Variants in KNG1 observed in about 807,000 individuals in gnomAD.
KNG1 encodes kininogen-1.
Under a neutral mutation model 47.8 loss-of-function variants are expected in KNG1, and 23 were observed. The observed-to-expected ratio is 0.48, with a 90% confidence interval of 0.35 to 0.68. The LOEUF (loss-of-function observed/expected upper bound fraction) is 0.68. Ranked by LOEUF, KNG1 falls within the 30% of genes least tolerant of loss-of-function variation. KNG1 has a pLI of 0.01. For synonymous variants in KNG1, 277 were observed against 277.0 expected, an observed-to-expected ratio of 1.00 and a Z score of 0.00; for missense variants, 762 against 790.2, an observed-to-expected ratio of 0.96 and a Z score of 0.43.
chr3:186,729,895 C>T (rs896486316), intron 5 of KNG1, among the ~76,000 whole-genome samples: 3 of 152,186 alleles, frequency 2.0e-5, no homozygotes, highest in African/African-American at 7.2e-5. Flanking sequence ...TGGTCTCGAA[C>T]TCCCAACCTC....
rs1027456235 is a variant in KNG1, at chr3:186,742,923, T to A, written c.*592T>A. On this transcript the variant is annotated 3_prime_UTR_variant, in exon 10 of 10. Transcript: ENST00000644859. The stretch of plus-strand genomic sequence containing the variant: ...AAAAAAAGAAATAATAAGAAAAACT[T>A]CCAGATTTCAAAGTAACAAGAAAGA... The A allele has an allele frequency of 1.4e-5, 14 of 982,338 alleles. 1 individual carries two copies. In the East Asian group the frequency reaches 1.1e-3, roughly 80 times the overall value. The allele number at this position is 982,338 out of a possible 1,614,324, so 60.9% of individuals were successfully genotyped here.
chr3:186,728,432 G>A, intron 5 of KNG1: 1 of 152,046 alleles, frequency 6.6e-6, no homozygotes, highest in East Asian at 1.9e-4. Context: ...GTAAATTACA[G>A]TATATCCATA....
Position 186,724,949 on chromosome 3 carries a change from G to A in KNG1, c.392-139G>A, listed in dbSNP as rs535961536. The A allele has an allele frequency of 7.6e-5, 59 of 773,832 alleles. 1 individual carries two copies. In the African/African-American group the frequency reaches 8.8e-4, roughly 12 times the overall value. The allele number at this position is 773,832 out of a possible 1,614,324, so 47.9% of individuals were successfully genotyped here. A position where few individuals can be genotyped will look rare whatever the true frequency, so the allele number is the denominator to read the frequency against. ...TGGTCTCGAACTCCTGACCTCAGGC[G>A]ATCTGCCCGCCTCAGCCTCCCAAAG... is the stretch of plus-strand genomic sequence containing the variant. On this transcript the variant is annotated intron_variant, in intron 3 of 9. Coordinates refer to ENST00000644859, the MANE Select transcript of KNG1 (RefSeq NM_001102416.3).
Position 186,742,374 on chromosome 3 carries a change from T to A in KNG1, c.*43T>A, listed in dbSNP as rs1720840211. 3.1e-6 allele frequency: 5 copies of A among 1,608,806 alleles called. No individual in the cohort carries two copies. Among genetic ancestry groups the A allele is most frequent in the Non-Finnish European group, 4.2e-6 (5 of 1,179,828 alleles). ...ATTTCTTTCATACTTTATTAAAGTA[T>A]CAATATCCCTCTCTCCATTGTCCAG... On this transcript the variant is annotated 3_prime_UTR_variant, in exon 10 of 10. Transcript: ENST00000644859.
intron 7 of KNG1, among the ~76,000 whole-genome samples, chr3:186,737,505 G>A (rs1484617482): frequency 6.6e-6 from 1 of 151,882 alleles, no homozygotes; most frequent in Admixed American, 6.6e-5. Context: ...CTCATCCTGG[G>A]TTTTGGTGAA....
intron 4 of KNG1, among the ~76,000 whole-genome samples, chr3:186,726,854 C>T (rs1054357409): frequency 1.3e-5 from 2 of 152,182 alleles, no homozygotes; most frequent in South Asian, 2.1e-4. Flanking sequence ...TTTCTTTATC[C>T]GTCTAGAAGG....
rs1720740424 is a variant in KNG1 at position 186,739,168 on chromosome 3, G to A, written c.1000G>A (p.Glu334Lys). The change falls in exon 8 of 10, where the codon GAA becomes AAA. Residue 334 changes from glutamate to lysine, a missense_variant. By Grantham distance (56) the Glu-to-Lys change is moderately conservative. Coordinates refer to ENST00000644859, the MANE Select transcript of KNG1 (RefSeq NM_001102416.3). Reference protein sequence around the residue: ...RETTCSKESNEELTESCETKK... With the variant: ...RETTCSKESNKELTESCETKK... ...AACCACATGTTCCAAGGAAAGTAATGAAGAGTTGACCGAAAGCTGTGAGAC... is the reference window on the plus strand; with the variant it reads ...AACCACATGTTCCAAGGAAAGTAATAAAGAGTTGACCGAAAGCTGTGAGAC... 1 of 1,614,074 alleles carries A rather than the reference G, an allele frequency of 6.2e-7. No homozygotes were observed. Among genetic ancestry groups the A allele is most frequent in the African/African-American group, 1.3e-5 (1 of 74,928 alleles).
At chr3:186,719,728 C>CAAA (rs398063105) in intron 1 of KNG1, among the ~76,000 whole-genome samples, 25,539 of 118,448 alleles carry the variant, frequency 0.22, 2,456 homozygotes, top group South Asian at 0.31. Context: ...GACTCCATCT[C>CAAA]AAAAAAAAAA....
intron 5 of KNG1, among the ~76,000 whole-genome samples, chr3:186,729,714 C>CA (rs1720461296): frequency 2.7e-5 from 4 of 150,158 alleles, no homozygotes; most frequent in Non-Finnish European, 4.4e-5. Context: ...GTCTTGTTGC[C>CA]CAGGCTGGAG....
intron 7 of KNG1, among the ~76,000 whole-genome samples, chr3:186,733,371 A>AT (rs1720589978): frequency 6.6e-6 from 1 of 152,150 alleles, no homozygotes; most frequent in Non-Finnish European, 1.5e-5. Flanking sequence ...ACATCACATA[A>AT]TGTCTTGGGC....
intron 6 of KNG1, 76 bp from the exon 7 acceptor site, chr3:186,732,426 G>T: frequency 2.9e-6 from 4 of 1,393,764 alleles, no homozygotes. Context: ...TGTGGATGCT[G>T]GTTCTTGTGC....
intron 3 of KNG1, among the ~76,000 whole-genome samples, chr3:186,723,261 T>C (rs1028322057): frequency 3.9e-5 from 6 of 152,228 alleles, no homozygotes; most frequent in Non-Finnish European, 8.8e-5. Flanking sequence ...TTTCTATGAA[T>C]TGGTAATATT....
Position 186,720,453 on chromosome 3 carries a change from T to G in KNG1, c.306+238T>G, listed in dbSNP as rs920410593. On this transcript the variant is annotated intron_variant, in intron 2 of 9. Coordinates refer to ENST00000644859, the MANE Select transcript of KNG1 (RefSeq NM_001102416.3). ...TTTCCATGAGAAGGGGGCTCTAGTG[T>G]CCAGCCAGAACATGTGGCTCAGACT... 245 of 513,268 alleles carry G rather than the reference T, an allele frequency of 4.8e-4. 1 individual carries two copies. The highest frequency in any genetic ancestry group is 3.1e-3 in the African/African-American group (160 of 51,420). The allele number at this position is 513,268 out of a possible 1,614,324, so 31.8% of individuals were successfully genotyped here. A position where few individuals can be genotyped will look rare whatever the true frequency, so the allele number is the denominator to read the frequency against.
chr3:186,728,549 T>C (rs1720432671), intron 5 of KNG1: 1 of 152,174 alleles, frequency 6.6e-6, no homozygotes, highest in African/African-American at 2.4e-5. Flanking sequence ...AAACTATACA[T>C]ACGGATTTAT....
At position 186,743,012 on chromosome 3, in the gene KNG1, G is replaced by T. The variant is rs1672004317; in HGVS notation, c.*681G>T. The T allele has an allele frequency of 1.1e-6, 1 of 927,058 alleles. No homozygotes were observed. The highest frequency in any genetic ancestry group is 1.8e-5 in the African/African-American group (1 of 56,088). The allele number at this position is 927,058 out of a possible 1,614,324, so 57.4% of individuals were successfully genotyped here. The stretch of plus-strand genomic sequence containing the variant: ...TTAATTGACTTTCTATTCCCAAAAT[G>T]GGCTAGTTATATCAAATAAATACTC... On this transcript the variant is annotated 3_prime_UTR_variant, in exon 10 of 10. Transcript: ENST00000644859.
intron 7 of KNG1, 144 bp downstream of exon 7, chr3:186,732,818 C>A: frequency 1.4e-6 from 1 of 728,522 alleles, no homozygotes; most frequent in South Asian, 1.5e-5. Flanking sequence ...AAATTAAGTG[C>A]CAATCTCCCT....
In KNG1 at chr3:186,741,500, C is replaced by T. The variant is rs762429819; in HGVS notation, c.1126-22C>T. 5.4e-5 allele frequency: 87 copies of T among 1,599,596 alleles called. No individual in the cohort carries two copies. The Middle Eastern group carries it at 8.4e-4, about 15-fold the overall frequency. ...AGCATGATTTTTGCAGTAATACATT[C>T]ATCTTAATATTTTCTGTTTAGATCT... On this transcript the variant is annotated intron_variant, in intron 9 of 9. Transcript: ENST00000644859.
In KNG1 at chr3:186,743,955, T is replaced by C. The variant is rs995511219; in HGVS notation, c.*1624T>C. 7.5e-6 allele frequency: 5 copies of C among 668,700 alleles called. No individual in the cohort carries two copies. Among genetic ancestry groups the C allele is most frequent in the Non-Finnish European group, 1.4e-5 (5 of 365,850 alleles). The allele number at this position is 668,700 out of a possible 1,614,324, so 41.4% of individuals were successfully genotyped here. On this transcript the variant is annotated 3_prime_UTR_variant, in exon 10 of 10. Coordinates refer to ENST00000644859, the MANE Select transcript of KNG1 (RefSeq NM_001102416.3). ...ATCAGTCTTGATGTTCTAACTCTAA[T>C]TCACAGTGGTCTCCTTTCAGCCCTA...
In KNG1 at chr3:186,743,604, C is replaced by T; in HGVS notation, c.*1273C>T. The T allele has an allele frequency of 1.2e-6, 1 of 819,516 alleles. No homozygotes were observed. The highest frequency in any genetic ancestry group is 1.4e-5 in the South Asian group (1 of 69,352). The allele number at this position is 819,516 out of a possible 1,614,324, so 50.8% of individuals were successfully genotyped here. ...GTCTGTTCTTTTAAATAAACAACCA[C>T]AGATGTCAGGAAAAAGTCTTACCTT... On this transcript the variant is annotated 3_prime_UTR_variant, in exon 10 of 10. Transcript: ENST00000644859.
Sources: gnomAD v4.1 joint callset for allele counts (sites outside exome capture counted in the v4.1 genomes callset) on GRCh38, gnomAD v4.1.1 for gene constraint, MANE v1.5 for transcripts, NCBI Gene and HGNC (gene_info 2026-07-23, HGNC 2026-07-21) for gene names.